Variants in RELCH observed in about 807,000 individuals in gnomAD.
The protein encoded by RELCH is RAB11 binding and LisH domain, coiled-coil and HEAT repeat containing.
Under a neutral mutation model 150.3 loss-of-function variants are expected in RELCH, and 41 were observed. The ratio of observed to expected loss-of-function variants is 0.27; its 90% CI spans 0.21 to 0.35. The LOEUF (loss-of-function observed/expected upper bound fraction) is 0.35, where lower values mean the gene tolerates loss of function less well. Among genes scored for constraint, RELCH ranks in the 10% least tolerant of loss-of-function variants. The pLI is 1.00. For synonymous variants in RELCH, 478 were observed against 531.8 expected, an observed-to-expected ratio of 0.90 and a Z score of 1.39; for missense variants, 1,092 against 1,467.8, an observed-to-expected ratio of 0.74 and a Z score of 4.18.
intron 27 of RELCH, among the ~76,000 whole-genome samples, chr18:62,297,214 T>TCATTACC (rs2045452646): frequency 6.6e-6 from 1 of 152,162 alleles, no homozygotes; most frequent in African/African-American, 2.4e-5. Flanking sequence ...ATGGGACACC[T>TCATTACC]CATTACCCTT....
chr18:62,267,486 G>GTA (rs767887875), intron 19 of RELCH, among the ~76,000 whole-genome samples: 2,435 of 24,496 alleles, frequency 0.099, 29 homozygotes, highest in South Asian at 0.21. Flanking sequence ...AGGTATATAT[G>GTA]TGTGTGTGTG....
intron 27 of RELCH, among the ~76,000 whole-genome samples, chr18:62,296,586 CAA>C (rs202102443): frequency 7.0e-6 from 1 of 143,876 alleles, no homozygotes; most frequent in African/African-American, 2.5e-5. Context: ...AACTCCATCT[CAA>C]AAAAAAAAAA....
chr18:62,277,701 C>T (rs2044287173), intron 22 of RELCH: 1 of 969,474 alleles, frequency 1.0e-6, no homozygotes, highest in Admixed American at 6.2e-5. Flanking sequence ...AATTTTTAGA[C>T]AGCAGGACAA....
chr18:62,257,033 T>G (rs2043023071), intron 13 of RELCH, among the ~76,000 whole-genome samples: 1 of 152,158 alleles, frequency 6.6e-6, no homozygotes, highest in Admixed American at 6.6e-5. Context: ...CAAGCCTTGC[T>G]CTACATACCA....
At chr18:62,254,208 T>G (rs2042877306) in intron 12 of RELCH, among the ~76,000 whole-genome samples, 2 of 152,172 alleles carry the variant, frequency 1.3e-5, no homozygotes, top group Non-Finnish European at 2.9e-5. Flanking sequence ...TAATTTTATA[T>G]ATTAAGTCTT....
chr18:62,212,154 G>A (rs911496440), intron 2 of RELCH, among the ~76,000 whole-genome samples: 1 of 152,286 alleles, frequency 6.6e-6, no homozygotes. Flanking sequence ...CACCAGATAA[G>A]CCCCATTGGA....
At chr18:62,287,270 T>C in intron 25 of RELCH, 81 bp from the exon 26 acceptor site, 1 of 717,610 alleles carries the variant, frequency 1.4e-6, no homozygotes, top group Non-Finnish European at 2.5e-6. Flanking sequence ...TAAATTAAAG[T>C]GATAAATTAT....
chr18:62,239,219 G>A (rs2042020933), intron 10 of RELCH, among the ~76,000 whole-genome samples: 1 of 151,850 alleles, frequency 6.6e-6, no homozygotes. Context: ...AGGTACTTTA[G>A]GTTTCCTAAA....
At chr18:62,256,303 C>G (rs55986734) in intron 13 of RELCH, among the ~76,000 whole-genome samples, 24,715 of 151,936 alleles carry the variant, frequency 0.16, 2,701 homozygotes, top group Middle Eastern at 0.28. Flanking sequence ...ACCAAGTAGA[C>G]AGCATTCATT....
intron 10 of RELCH, among the ~76,000 whole-genome samples, chr18:62,238,825 T>C (rs1273365850): frequency 6.6e-6 from 1 of 152,032 alleles, no homozygotes; most frequent in African/African-American, 2.4e-5. Context: ...CATATCTCAA[T>C]AAAACCGTCA....
chr18:62,307,867 A>C lies in RELCH; in HGVS notation c.*2333A>C, dbSNP rs1210289796. On this transcript the variant is annotated 3_prime_UTR_variant, in exon 29 of 29. Transcript: ENST00000644646. ...ATTACTAATTTAGCTGAATTCTTCC[A>C]AGAACAGTGCTTGAATGATGGCAGT... 6.6e-6 allele frequency: 1 copy of C among 152,234 alleles called. No individual in the cohort carries two copies. Among genetic ancestry groups the C allele is most frequent in the Non-Finnish European group, 1.5e-5 (1 of 68,034 alleles). 9.4% of individuals were successfully genotyped at this position (152,234 alleles called of 1,614,324 possible).
chr18:62,213,402 G>A (rs2040286865), intron 2 of RELCH, among the ~76,000 whole-genome samples: 1 of 151,906 alleles, frequency 6.6e-6, no homozygotes, highest in Admixed American at 6.6e-5. Flanking sequence ...TAATTAGGGG[G>A]AAACTGACAT....
rs375021462 is a variant in RELCH, at chr18:62,188,018, C to T, written c.513C>T (p.Gly171=). 1.1e-4 allele frequency: 169 copies of T among 1,573,842 alleles called. 1 individual carries two copies. In the African/African-American group the frequency reaches 2.0e-3, roughly 19 times the overall value. The part of the protein sequence containing the change: ...AGGREPSTAS[G]GGQLNRAGSI... ...GTCGGGAACCGAGTACAGCGTCGGG[C>T]GGGGGACAGCTCAGTAAGTGGACGC... is the stretch of plus-strand genomic sequence containing the variant. The change falls in exon 1 of 29, where the codon GGC becomes GGT. Residue 171 remains glycine, a synonymous_variant. Coordinates refer to ENST00000644646, the MANE Select transcript of RELCH (RefSeq NM_001346231.2).
intron 8 of RELCH, among the ~76,000 whole-genome samples, chr18:62,228,965 A>C (rs2041384890): frequency 6.6e-6 from 1 of 152,002 alleles, no homozygotes; most frequent in African/African-American, 2.4e-5. Context: ...GTAGTTGCCT[A>C]TGTTAAAGAA....
At chr18:62,236,972 C>T (rs2041909688) in intron 10 of RELCH, among the ~76,000 whole-genome samples, 1 of 151,458 alleles carries the variant, frequency 6.6e-6, no homozygotes, top group Admixed American at 6.6e-5. Flanking sequence ...TGCTGTATCT[C>T]ATTAGTTTTG....
chr18:62,267,484 ATGTGTGTG>A (rs36203741), intron 19 of RELCH, among the ~76,000 whole-genome samples: 16,312 of 135,724 alleles, frequency 0.12, 1,069 homozygotes, highest in East Asian at 0.3. Flanking sequence ...CTAGGTATAT[ATGTGTGTG>A]TGTGTGTGTG....
chr18:62,264,877 C>T (rs757907713), intron 18 of RELCH, 25 bp downstream of exon 18: 1 of 1,575,184 alleles, frequency 6.3e-7, no homozygotes, highest in South Asian at 1.2e-5. Flanking sequence ...TCCATGTTTT[C>T]TTATATGAAA....
chr18:62,229,353 T>G (rs1177879287), intron 8 of RELCH, among the ~76,000 whole-genome samples: 1 of 152,106 alleles, frequency 6.6e-6, no homozygotes, highest in Non-Finnish European at 1.5e-5. Context: ...ATGCCTACTA[T>G]GAGCATATAA....
At chr18:62,226,612 A>G (rs1297306967) in intron 5 of RELCH, among the ~76,000 whole-genome samples, 3 of 152,174 alleles carry the variant, frequency 2.0e-5, no homozygotes, top group East Asian at 3.9e-4. Flanking sequence ...CTTAATCTAA[A>G]CATGTTTTAT....
Sources: gnomAD v4.1 joint callset for allele counts (sites outside exome capture counted in the v4.1 genomes callset) on GRCh38, gnomAD v4.1.1 for gene constraint, MANE v1.5 for transcripts, NCBI Gene and HGNC (gene_info 2026-07-23, HGNC 2026-07-21) for gene names.